Variants in AFAP1L1 observed in about 807,000 individuals in gnomAD.
AFAP1L1 encodes actin filament-associated protein 1-like 1.
Under a neutral mutation model 99.8 loss-of-function variants are expected in AFAP1L1, and 77 were observed. The ratio of observed to expected loss-of-function variants is 0.77; its 90% CI spans 0.64 to 0.93. The LOEUF is 0.93. Among genes scored for constraint, AFAP1L1 ranks in the 40% least tolerant of loss-of-function variants. The probability of loss-of-function intolerance (pLI) is 0.00; values close to 1 mark genes in which losing one functional copy is unlikely to be tolerated. For missense variants in AFAP1L1, 893 were observed against 996.8 expected (o/e 0.90, Z 1.40); for synonymous variants, 373 against 395.3 (o/e 0.94, Z 0.67).
chr5:149,280,533 T>TA (rs1755484027), intron 1 of AFAP1L1, among the ~76,000 whole-genome samples: 1 of 152,114 alleles, frequency 6.6e-6, no homozygotes, highest in East Asian at 1.9e-4. Context: ...GGGTGATAAT[T>TA]ACTGTTTTCA....
Position 149,301,123 on chromosome 5 carries a change from C to A in AFAP1L1, c.230-10C>A. On this transcript the variant is annotated splice_polypyrimidine_tract_variant and intron_variant, in intron 3 of 18. Coordinates refer to ENST00000296721, the MANE Select transcript of AFAP1L1 (RefSeq NM_152406.4). ...TGGCTTTCTTTGCCCAATGGCCTGTCCCTCTGTAGACTGTGACCTGAGTGA... is the reference window on the plus strand; with the variant it reads ...TGGCTTTCTTTGCCCAATGGCCTGTACCTCTGTAGACTGTGACCTGAGTGA... 1 of 1,613,162 alleles carries A rather than the reference C, an allele frequency of 6.2e-7. No individual in the cohort carries two copies. The highest frequency in any genetic ancestry group is 1.1e-5 in the South Asian group (1 of 90,992).
chr5:149,334,330 A>G (rs894815266), intron 17 of AFAP1L1, among the ~76,000 whole-genome samples: 26 of 152,190 alleles, frequency 1.7e-4, no homozygotes, highest in Non-Finnish European at 3.7e-4. Flanking sequence ...AGAGTCACAG[A>G]GGGCTGGTGG....
At chr5:149,315,765 AT>A (rs985465661) in intron 9 of AFAP1L1, 55 bp from the exon 10 acceptor site, 98 of 1,498,866 alleles carry the variant, frequency 6.5e-5, no homozygotes, top group Non-Finnish European at 8.5e-5. Context: ...ATAAAGGGAA[AT>A]TTGGGTACTT....
chr5:149,288,629 A>G (rs1281600440), intron 1 of AFAP1L1, among the ~76,000 whole-genome samples: 4 of 152,128 alleles, frequency 2.6e-5, no homozygotes, highest in Non-Finnish European at 5.9e-5. Flanking sequence ...TCCTGGACCC[A>G]TTTCCTTTGT....
intron 18 of AFAP1L1, 71 bp from the exon 19 acceptor site, chr5:149,339,936 G>A (rs1757515457): frequency 1.2e-5 from 19 of 1,566,592 alleles, no homozygotes; most frequent in African/African-American, 5.4e-5. Context: ...ACTAGGTGCC[G>A]TGAAATCTCT....
chr5:149,332,861 G>T lies in AFAP1L1; in HGVS notation c.2142G>T (p.Lys714Asn), dbSNP rs766943760. The T allele has an allele frequency of 2.5e-5, 40 of 1,587,896 alleles. No homozygotes were observed. Among genetic ancestry groups the T allele is most frequent in the East Asian group, 9.2e-5 (4 of 43,670 alleles). ...GPALGLSVSS[K>N]PKSGETANKP... ...CCCTGGGGCTCTCCGTGAGCAGCAA[G>T]CCCAAGAGTGGGGTGAGTCCAGGCC... Residue 714 changes from lysine (K) to asparagine (N), a missense_variant, in exon 17 of 19, where the codon AAG becomes AAT. By Grantham distance (94) the Lys-to-Asn change is moderately conservative (BLOSUM62 0). Coordinates refer to ENST00000296721, the MANE Select transcript of AFAP1L1 (RefSeq NM_152406.4).
chr5:149,306,445 T>G (rs1462245375), intron 6 of AFAP1L1, 41 bp downstream of exon 6: 1 of 1,555,546 alleles, frequency 6.4e-7, no homozygotes, highest in Non-Finnish European at 8.8e-7. Flanking sequence ...GCAGGGCTTC[T>G]GCCCTTGCAA....
chr5:149,317,969 C>T (rs772280450), intron 12 of AFAP1L1, 29 bp downstream of exon 12: 230 of 1,550,820 alleles, frequency 1.5e-4, no homozygotes, highest in Non-Finnish European at 1.9e-4. Context: ...ACGTGGGTGG[C>T]TCTTGGTCTG....
At position 149,299,939 on chromosome 5, in the gene AFAP1L1, C is replaced by T. The variant is rs959832997; in HGVS notation, c.145+302C>T. Reference sequence around the variant, plus strand: ...CACACTCACATAGAACACACACACCCACATACCCCCCACACTGACCTACAA... The same window carrying T: ...CACACTCACATAGAACACACACACCTACATACCCCCCACACTGACCTACAA... On this transcript the variant is annotated intron_variant, in intron 2 of 18. Coordinates refer to ENST00000296721, the MANE Select transcript of AFAP1L1 (RefSeq NM_152406.4). 2.0e-5 allele frequency among the ~76,000 whole-genome samples: 3 copies of T among 151,914 alleles called. No homozygotes were observed. The South Asian group carries it at 6.2e-4, about 32-fold the overall frequency.
chr5:149,310,929 C>G (rs541492302), intron 8 of AFAP1L1, among the ~76,000 whole-genome samples: 22 of 152,336 alleles, frequency 1.4e-4, no homozygotes, highest in Admixed American at 7.8e-4. Flanking sequence ...CTTTGACCCT[C>G]TGTGCCTGTT....
At chr5:149,304,619 G>A (rs897960413) in intron 5 of AFAP1L1, among the ~76,000 whole-genome samples, 4 of 152,190 alleles carry the variant, frequency 2.6e-5, no homozygotes, top group East Asian at 1.9e-4. Flanking sequence ...GGGAGAGCAC[G>A]CCAAGCCCAT....
intron 1 of AFAP1L1, among the ~76,000 whole-genome samples, chr5:149,285,993 A>G (rs1755668009): frequency 6.6e-6 from 1 of 152,138 alleles, no homozygotes; most frequent in African/African-American, 2.4e-5. Context: ...CTCAGTCCTC[A>G]TGGATTCACA....
intron 12 of AFAP1L1, among the ~76,000 whole-genome samples, chr5:149,318,287 C>T (rs75184973): frequency 0.015 from 2,327 of 152,322 alleles, 45 homozygotes; most frequent in African/African-American, 0.038. Context: ...CTAAATCTGG[C>T]AGCCCCAGAA....
chr5:149,317,029 G>A (rs1756817032), intron 11 of AFAP1L1, among the ~76,000 whole-genome samples: 1 of 152,116 alleles, frequency 6.6e-6, no homozygotes, highest in African/African-American at 2.4e-5. Flanking sequence ...GCCAGGCATG[G>A]TGGTGTATGC....
At chr5:149,303,896 A>G (rs1756315419) in intron 5 of AFAP1L1, among the ~76,000 whole-genome samples, 1 of 152,174 alleles carries the variant, frequency 6.6e-6, no homozygotes, top group Admixed American at 6.5e-5. Context: ...CATTTCCACC[A>G]TTTCAAGCTG....
intron 1 of AFAP1L1, among the ~76,000 whole-genome samples, chr5:149,284,035 G>A (rs1424543862): frequency 6.6e-6 from 1 of 152,234 alleles, no homozygotes; most frequent in Non-Finnish European, 1.5e-5. Context: ...GAAGTTTCAA[G>A]GGACACTTCC....
chr5:149,306,788 G>A (rs963660312), intron 6 of AFAP1L1, among the ~76,000 whole-genome samples: 2 of 152,228 alleles, frequency 1.3e-5, no homozygotes, highest in Non-Finnish European at 2.9e-5. Context: ...TTTATTGGGT[G>A]CCAAACACTT....
intron 1 of AFAP1L1, among the ~76,000 whole-genome samples, chr5:149,285,924 C>T (rs564110715): frequency 1.3e-5 from 2 of 152,322 alleles, no homozygotes; most frequent in East Asian, 1.9e-4. Flanking sequence ...CTCCCCAGTG[C>T]ACCTGCTGTG....
chr5:149,320,330 G>C lies in AFAP1L1; in HGVS notation c.1626-61G>C. The C allele has an allele frequency of 1.3e-6, 2 of 1,526,238 alleles. No homozygotes were observed. The highest frequency in any genetic ancestry group is 9.1e-7 in the Non-Finnish European group (1 of 1,101,754). 94.5% of individuals were successfully genotyped at this position (1,526,238 alleles called of 1,614,324 possible). ...AATCAATGAGAGTGAGGACACGAAAGCACTGTAAGCTGCAAAGCATCATTG... is the reference window on the plus strand; with the variant it reads ...AATCAATGAGAGTGAGGACACGAAACCACTGTAAGCTGCAAAGCATCATTG... On this transcript the variant is annotated intron_variant, in intron 13 of 18. Coordinates refer to ENST00000296721, the MANE Select transcript of AFAP1L1 (RefSeq NM_152406.4). This position sits in a 1 kb window ranked among gnomAD's most constrained non-coding sequence, Gnocchi z 4.0.
Sources: allele counts gnomAD v4.1 joint callset (sites outside exome capture counted in the v4.1 genomes callset), GRCh38; gene constraint gnomAD v4.1.1; non-coding constraint Gnocchi (gnomAD v3.1); transcripts MANE v1.5; gene names NCBI Gene and HGNC (gene_info 2026-07-23, HGNC 2026-07-21).